Variants in SUSD5 observed in about 807,000 individuals in gnomAD.
The protein encoded by SUSD5 is sushi domain containing 5, also known as sushi domain-containing protein 5.
A neutral mutation model predicts 29.5 loss-of-function variants in SUSD5; 33 were observed. That is an observed-to-expected ratio of 1.12 (90% confidence interval 0.85 to 1.49). SUSD5 has a LOEUF of 1.49. Among genes scored for constraint, SUSD5 ranks in the 40% most tolerant of loss-of-function variants. The probability of loss-of-function intolerance (pLI) is 0.00; values close to 1 mark genes in which losing one functional copy is unlikely to be tolerated. For missense variants in SUSD5, 776 were observed against 800.6 expected, an observed-to-expected ratio of 0.97 and a Z score of 0.37; for synonymous variants, 308 against 325.3, an observed-to-expected ratio of 0.95 and a Z score of 0.57.
intron 4 of SUSD5, among the ~76,000 whole-genome samples, chr3:33,155,159 A>G (rs2031021415): frequency 6.6e-6 from 1 of 152,224 alleles, no homozygotes; most frequent in African/African-American, 2.4e-5. Context: ...AGAGTTAGAG[A>G]AGCTATCTGC....
chr3:33,200,979 A>T (rs931308270), intron 3 of SUSD5, among the ~76,000 whole-genome samples: 2 of 152,210 alleles, frequency 1.3e-5, no homozygotes, highest in African/African-American at 4.8e-5. Context: ...TTAAAGATGG[A>T]ATTGTTAAGC....
rs1441950505 is a variant in SUSD5 at position 33,151,261 on chromosome 3, C to G, written c.*1481G>C. The stretch of plus-strand genomic sequence containing the variant: ...GTCCAGGGTGGGACTAGAGAATTTG[C>G]ATCTCCAACAAATTCCCAGGTGACG... On this transcript the variant is annotated 3_prime_UTR_variant, in exon 5 of 5. Coordinates refer to ENST00000309558, the MANE Select transcript of SUSD5 (RefSeq NM_015551.2). 1 of 152,198 alleles carries G rather than the reference C, an allele frequency of 6.6e-6. No homozygotes were observed. Among genetic ancestry groups the G allele is most frequent in the East Asian group, 1.9e-4 (1 of 5,198 alleles). The allele number at this position is 152,198 out of a possible 1,614,324, so 9.4% of individuals were successfully genotyped here.
intron 2 of SUSD5, among the ~76,000 whole-genome samples, chr3:33,210,798 AAATT>A (rs2032308613): frequency 6.6e-6 from 1 of 151,998 alleles, no homozygotes; most frequent in African/African-American, 2.4e-5. Context: ...TTTAAAAAAT[AAATT>A]AAAAAGGGAT....
rs897147793 is a variant in SUSD5, at chr3:33,167,166, C to T, written c.598+7720G>A. Among the ~76,000 whole-genome samples the T allele has an allele frequency of 2.0e-5, 3 of 150,836 alleles. No individual in the cohort carries two copies. The highest frequency in any genetic ancestry group is 2.1e-4 in the South Asian group (1 of 4,786). On this transcript the variant is annotated intron_variant, in intron 4 of 4. Transcript: ENST00000309558. The surrounding 1 kb of genome is among the most constrained non-coding windows in gnomAD (Gnocchi z 4.1). Reference sequence around the variant, plus strand: ...TGCACTCCAGCCTGGGCAACAAGAGCGAGACTCCATCTCAAAAAAATATAT... The same window carrying T: ...TGCACTCCAGCCTGGGCAACAAGAGTGAGACTCCATCTCAAAAAAATATAT...
chr3:33,199,216 A>T (rs1207182206), intron 3 of SUSD5, among the ~76,000 whole-genome samples: 10 of 82,900 alleles, frequency 1.2e-4, no homozygotes, highest in African/African-American at 4.2e-4. Context: ...GGAGAATTTC[A>T]CACACACACA....
chr3:33,197,373 TG>T (rs961335248), intron 3 of SUSD5, among the ~76,000 whole-genome samples: 1 of 152,204 alleles, frequency 6.6e-6, no homozygotes, highest in African/African-American at 2.4e-5. Flanking sequence ...ATAACGTTTG[TG>T]GGAACACTCG....
intron 4 of SUSD5, among the ~76,000 whole-genome samples, chr3:33,164,969 AACACACACACACACAC>A (rs34551240): frequency 5.4e-5 from 8 of 147,036 alleles, no homozygotes; most frequent in African/African-American, 1.5e-4. Flanking sequence ...ACTAAAGTTG[AACACACACACACACAC>A]ACACACACAC....
At chr3:33,156,401 G>T (rs1350620363) in intron 4 of SUSD5, among the ~76,000 whole-genome samples, 1 of 152,130 alleles carries the variant, frequency 6.6e-6, no homozygotes, top group East Asian at 1.9e-4. Flanking sequence ...ATGAGATGAT[G>T]CTGTAAAGTA....
At chr3:33,196,012 C>T (rs1559454039) in intron 3 of SUSD5, among the ~76,000 whole-genome samples, 1 of 152,126 alleles carries the variant, frequency 6.6e-6, no homozygotes, top group Non-Finnish European at 1.5e-5. Flanking sequence ...CGAACATATG[C>T]CTTTCCCAGT....
chr3:33,181,973 G>C (rs1274701678), intron 3 of SUSD5, among the ~76,000 whole-genome samples: 1 of 152,264 alleles, frequency 6.6e-6, no homozygotes, highest in East Asian at 1.9e-4. Context: ...CTTTTCTTCT[G>C]TTTAATTTAT....
chr3:33,198,360 G>C (rs991070467), intron 3 of SUSD5, among the ~76,000 whole-genome samples: 1 of 152,210 alleles, frequency 6.6e-6, no homozygotes, highest in African/African-American at 2.4e-5. Context: ...AGAGCCCATG[G>C]TTCTAATCAT....
In SUSD5 at chr3:33,167,979, T is replaced by C. The variant is rs559248291; in HGVS notation, c.598+6907A>G. On this transcript the variant is annotated intron_variant, in intron 4 of 4. Transcript: ENST00000309558. The surrounding 1 kb of genome is among the most constrained non-coding windows in gnomAD (Gnocchi z 4.1). ...ACAAGTCTAGGAAATGTAAGCTTTG[T>C]GGCTTCTCCTGGCAAAATGCAGGTC... 6.6e-6 allele frequency among the ~76,000 whole-genome samples: 1 copy of C among 152,378 alleles called. No individual in the cohort carries two copies. Among genetic ancestry groups the C allele is most frequent in the African/African-American group, 2.4e-5 (1 of 41,588 alleles).
At chr3:33,166,135 C>G (rs1337678301) in intron 4 of SUSD5, among the ~76,000 whole-genome samples, 1 of 152,154 alleles carries the variant, frequency 6.6e-6, no homozygotes, top group African/African-American at 2.4e-5. Context: ...CTGGGACGGA[C>G]AGTTAGCATT....
chr3:33,162,659 A>G (rs1259250283), intron 4 of SUSD5, among the ~76,000 whole-genome samples: 1 of 152,222 alleles, frequency 6.6e-6, no homozygotes, highest in Non-Finnish European at 1.5e-5. Flanking sequence ...AAAAATTTAT[A>G]TCCAGGAAGC....
intron 3 of SUSD5, among the ~76,000 whole-genome samples, chr3:33,194,138 C>A (rs1485805630): frequency 6.6e-6 from 1 of 152,192 alleles, no homozygotes; most frequent in Non-Finnish European, 1.5e-5. Context: ...GTGGCACCAA[C>A]CCAGGAACTG....
In SUSD5 at chr3:33,174,934, A is replaced by G; in HGVS notation, c.550T>C (p.Cys184Arg). 1 of 1,614,002 alleles carries G rather than the reference A, an allele frequency of 6.2e-7. No homozygotes were observed. The highest frequency in any genetic ancestry group is 8.5e-7 in the Non-Finnish European group (1 of 1,179,890). ...CCGTACCACTCCCCACAGCTGTTAC[A>G]TAGCAAGGTGAAGGCGGTCTCCCGG... Reference protein sequence around the residue: ...GHRETAFTLLCNSCGEWYGLV... With the variant: ...GHRETAFTLLRNSCGEWYGLV... Residue 184 changes from cysteine to arginine, a missense_variant, in exon 4 of 5, where the codon TGT becomes CGT. Physicochemically the swap from Cys to Arg is radical, Grantham distance 180 (BLOSUM62 -3). Transcript: ENST00000309558.
chr3:33,179,520 T>A (rs959311001), intron 3 of SUSD5, among the ~76,000 whole-genome samples: 1 of 152,186 alleles, frequency 6.6e-6, no homozygotes, highest in African/African-American at 2.4e-5. Flanking sequence ...CTCCTAGATA[T>A]AGGCAGAACC....
At chr3:33,169,744 G>C (rs574772106) in intron 4 of SUSD5, among the ~76,000 whole-genome samples, 38 of 152,272 alleles carry the variant, frequency 2.5e-4, no homozygotes, top group South Asian at 1.9e-3. Flanking sequence ...TTTGCTGTTG[G>C]ACTCAGAGGC....
At chr3:33,162,483 A>T (rs1472061815) in intron 4 of SUSD5, among the ~76,000 whole-genome samples, 2 of 152,258 alleles carry the variant, frequency 1.3e-5, no homozygotes, top group African/African-American at 4.8e-5. Context: ...GAAAATCGAC[A>T]TAGTCAAAAG....
Sources: allele counts gnomAD v4.1 joint callset (sites outside exome capture counted in the v4.1 genomes callset), GRCh38; gene constraint gnomAD v4.1.1; non-coding constraint Gnocchi (gnomAD v3.1); transcripts MANE v1.5; gene names NCBI Gene and HGNC (gene_info 2026-07-23, HGNC 2026-07-21).